CP: variants seen among roughly 807,000 people sequenced by gnomAD.
CP encodes ceruloplasmin.
A neutral mutation model predicts 122.4 loss-of-function variants in CP; 64 were observed. The ratio of observed to expected loss-of-function variants is 0.52; its 90% CI spans 0.43 to 0.64. The LOEUF (loss-of-function observed/expected upper bound fraction) is 0.64. Among genes scored for constraint, CP ranks in the 30% least tolerant of loss-of-function variants. CP has a pLI of 0.00. For synonymous variants in CP, 440 were observed against 436.4 expected (o/e 1.01, Z -0.10); for missense variants, 1,167 against 1,284.4 (o/e 0.91, Z 1.40).
At chr3:149,197,749 C>T (rs1025595292) in intron 9 of CP, among the ~76,000 whole-genome samples, 6 of 152,156 alleles carry the variant, frequency 3.9e-5, no homozygotes, top group African/African-American at 1.4e-4. Flanking sequence ...GCAACCTAGA[C>T]CCCTCACATG....
At chr3:149,217,087 G>A (rs1437453192) in intron 1 of CP, among the ~76,000 whole-genome samples, 1 of 151,972 alleles carries the variant, frequency 6.6e-6, no homozygotes, top group East Asian at 1.9e-4. Flanking sequence ...TTTTAGTAGA[G>A]ACGGGATTTC....
chr3:149,163,559 T>C (rs1724104023), intron 5 of CP, among the ~76,000 whole-genome samples: 1 of 152,358 alleles, frequency 6.6e-6, no homozygotes, highest in Admixed American at 6.5e-5. Context: ...ATATTCTTTT[T>C]AGGTATAATT....
intron 2 of CP, among the ~76,000 whole-genome samples, chr3:149,211,706 T>A (rs1728110672): frequency 6.6e-6 from 1 of 152,226 alleles, no homozygotes; most frequent in Non-Finnish European, 1.5e-5. Context: ...AAAGTTAGGA[T>A]GGGAGGTAAC....
chr3:149,167,339 C>T, intron 4 of CP: 1 of 914,074 alleles, frequency 1.1e-6, no homozygotes, highest in East Asian at 2.6e-5. Context: ...TTATGCTAAT[C>T]CAACATCATA....
At chr3:149,205,612 A>T (rs1349194267) in intron 6 of CP, among the ~76,000 whole-genome samples, 3 of 152,258 alleles carry the variant, frequency 2.0e-5, no homozygotes, top group East Asian at 3.9e-4. Context: ...AAATCTTAAA[A>T]CATTATGCTA....
At chr3:149,182,279 A>C (rs1308312807) in intron 13 of CP, 146 bp from the exon 14 acceptor site, 1 of 893,754 alleles carries the variant, frequency 1.1e-6, no homozygotes, top group African/African-American at 1.7e-5. Flanking sequence ...GGGAATTTGG[A>C]ATCAATACAC....
At chr3:149,213,259 C>T (rs981270879) in intron 1 of CP, among the ~76,000 whole-genome samples, 2 of 152,124 alleles carry the variant, frequency 1.3e-5, no homozygotes, top group Non-Finnish European at 1.5e-5. Flanking sequence ...TTGATGCATG[C>T]AATGTGTGTG....
At chr3:149,167,084 G>T in intron 4 of CP, 2 of 1,613,854 alleles carry the variant, frequency 1.2e-6, no homozygotes, top group Non-Finnish European at 1.7e-6. Context: ...TTCCGTTCTT[G>T]GAGCCACTTT....
At chr3:149,197,277 T>C (rs1346406279) in intron 9 of CP, among the ~76,000 whole-genome samples, 1 of 152,218 alleles carries the variant, frequency 6.6e-6, no homozygotes, top group Admixed American at 6.5e-5. Context: ...ACTCTTTCTA[T>C]ATACTGTGTA....
intron 17 of CP, 165 bp from the exon 18 acceptor site, chr3:149,176,577 A>C: frequency 4.8e-6 from 3 of 619,086 alleles, no homozygotes; most frequent in Non-Finnish European, 8.5e-6. Flanking sequence ...TGGTTTTTGT[A>C]TTCCTAATAA....
intron 14 of CP, chr3:149,179,985 C>A: frequency 3.2e-6 from 1 of 310,214 alleles, no homozygotes; most frequent in East Asian, 7.8e-5. Context: ...CTCTTCTTAG[C>A]TTGAAGTGTG....
intron 11 of CP, 88 bp downstream of exon 11, chr3:149,186,432 G>C: frequency 7.8e-7 from 1 of 1,285,782 alleles, no homozygotes; most frequent in South Asian, 1.2e-5. Context: ...GAAGGGATAA[G>C]TTTATCACCC....
intron 12 of CP, among the ~76,000 whole-genome samples, chr3:149,184,790 C>T (rs1009938135): frequency 3.9e-5 from 6 of 152,180 alleles, no homozygotes; most frequent in African/African-American, 1.4e-4. Flanking sequence ...CATCTTCAAG[C>T]ATTTAAAATA....
intron 9 of CP, 141 bp downstream of exon 9, chr3:149,198,226 C>A: frequency 1.5e-6 from 1 of 648,740 alleles, no homozygotes; most frequent in Non-Finnish European, 2.7e-6. Flanking sequence ...TAATTGTGGG[C>A]ATTTTTAAAG....
intron 1 of CP, among the ~76,000 whole-genome samples, chr3:149,218,995 C>T (rs1235590481): frequency 6.6e-6 from 1 of 152,198 alleles, no homozygotes; most frequent in Non-Finnish European, 1.5e-5. Flanking sequence ...ACTCCATCAT[C>T]CTTCACTGAC....
rs768510247 is a variant in CP at position 149,188,047 on chromosome 3, C to T, written c.1864+5G>A. The T allele has an allele frequency of 5.6e-6, 9 of 1,611,610 alleles. No individual in the cohort carries two copies. The South Asian group carries it at 9.9e-5, about 18-fold the overall frequency. ...TGGTAGATTGGTGGATGATGCAGTA[C>T]TTACAGTGCATTTTATTAGATTCCT... On this transcript the variant is annotated splice_donor_5th_base_variant and intron_variant, in intron 10 of 18. Transcript: ENST00000264613.
intron 8 of CP, 81 bp downstream of exon 8, chr3:149,199,629 TCA>T (rs1000999306): frequency 1.9e-6 from 3 of 1,544,030 alleles, no homozygotes; most frequent in African/African-American, 2.7e-5. Flanking sequence ...GTTCCTGCCT[TCA>T]GTTTTTGCAG....
intron 12 of CP, among the ~76,000 whole-genome samples, chr3:149,184,028 CTTT>C (rs869206210): frequency 7.9e-5 from 5 of 63,620 alleles, no homozygotes; most frequent in East Asian, 5.3e-4. Context: ...TCACTTACTT[CTTT>C]TTTTTTTTTT....
rs766376910 is a variant in CP at position 149,199,802 on chromosome 3, A to C, written c.1411T>G (p.Tyr471Asp). ...IRVTFHNKGA[Y>D]PLSIEPIGVR... ...CCAATCGGCTCAATACTGAGGGGAT[A>C]TGCTCCTTTGTTATGGAAGGTTACT... Residue 471 changes from tyrosine to aspartate, a missense_variant, in exon 8 of 19, where the codon TAT becomes GAT. Tyr to Asp is a radical substitution (Grantham distance 160, BLOSUM62 -3). Transcript: ENST00000264613. 1 of 1,613,990 alleles carries C rather than the reference A, an allele frequency of 6.2e-7. No individual in the cohort carries two copies. Among genetic ancestry groups the C allele is most frequent in the African/African-American group, 1.3e-5 (1 of 74,926 alleles).
Sources: gnomAD v4.1 joint callset for allele counts (sites outside exome capture counted in the v4.1 genomes callset) on GRCh38, gnomAD v4.1.1 for gene constraint, MANE v1.5 for transcripts, NCBI Gene and HGNC (gene_info 2026-07-23, HGNC 2026-07-21) for gene names.